The following DAOA variants were observed in gnomAD, a reference collection of about 807,000 sequenced individuals.
DAOA encodes the protein D-amino acid oxidase activator, also known as D-amino acid oxidase regulator.
A neutral mutation model predicts 16.4 loss-of-function variants in DAOA; 15 were observed. The ratio of observed to expected loss-of-function variants is 0.91; its 90% confidence interval spans 0.61 to 1.41. DAOA has a LOEUF of 1.41. DAOA is among the 40% of genes most tolerant of loss of function. The pLI, the probability that DAOA is intolerant of heterozygous loss-of-function variation, is 0.00. For synonymous variants in DAOA, 75 were observed against 59.1 expected (o/e 1.27, Z -1.23); for missense variants, 230 against 176.8 (o/e 1.30, Z -1.71).
At chr13:105,470,072 G>A (rs1351188193) in intron 3 of DAOA, among the ~76,000 whole-genome samples, 7 of 149,526 alleles carry the variant, frequency 4.7e-5, no homozygotes, top group Admixed American at 1.3e-4. Flanking sequence ...TTGTCCCCAG[G>A]CTGGACATGT....
chr13:105,478,831 C>G (rs1329140981), intron 4 of DAOA, among the ~76,000 whole-genome samples: 2 of 152,188 alleles, frequency 1.3e-5, no homozygotes, highest in Non-Finnish European at 2.9e-5. Flanking sequence ...ATGCCAAACA[C>G]CAATACCCAT....
intron 4 of DAOA, among the ~76,000 whole-genome samples, chr13:105,488,039 T>A (rs993461334): frequency 1.8e-4 from 27 of 152,110 alleles, no homozygotes; most frequent in Non-Finnish European, 3.4e-4. Flanking sequence ...TGGATGTGAA[T>A]AAGCTTAAAA....
At chr13:105,489,740 A>T (rs973571189) in intron 4 of DAOA, 161 bp from the exon 5 acceptor site, 8 of 1,494,302 alleles carry the variant, frequency 5.4e-6, no homozygotes, top group Non-Finnish European at 6.3e-6. Context: ...CATAATCTTG[A>T]CTTCTTGGTG....
At chr13:105,479,684 T>G (rs1438130881) in intron 4 of DAOA, among the ~76,000 whole-genome samples, 3 of 152,194 alleles carry the variant, frequency 2.0e-5, no homozygotes, top group Non-Finnish European at 4.4e-5. Flanking sequence ...TCTACTCTAG[T>G]ATTACCTCAT....
intron 3 of DAOA, among the ~76,000 whole-genome samples, chr13:105,470,645 C>T (rs1306385345): frequency 2.0e-5 from 3 of 151,876 alleles, no homozygotes; most frequent in Admixed American, 6.6e-5. Context: ...AGTCTTGCTC[C>T]GTTGCCCAGG....
chr13:105,484,399 A>G (rs973231850), intron 4 of DAOA, among the ~76,000 whole-genome samples: 1 of 152,152 alleles, frequency 6.6e-6, no homozygotes, highest in Non-Finnish European at 1.5e-5. Flanking sequence ...GAAGCTATAG[A>G]TGAATTTGGG....
chr13:105,477,794 C>T (rs999903327), intron 4 of DAOA, among the ~76,000 whole-genome samples: 1 of 152,120 alleles, frequency 6.6e-6, no homozygotes, highest in Non-Finnish European at 1.5e-5. Flanking sequence ...TATCGGGTAT[C>T]TACCAGAGCA....
intron 4 of DAOA, among the ~76,000 whole-genome samples, chr13:105,487,169 C>T (rs190556570): frequency 6.6e-6 from 1 of 152,186 alleles, no homozygotes; most frequent in Non-Finnish European, 1.5e-5. Context: ...TTGAAAATAC[C>T]CGGAGTCTCA....
intron 3 of DAOA, among the ~76,000 whole-genome samples, chr13:105,467,974 C>T (rs112173054): frequency 1.3e-5 from 2 of 152,296 alleles, no homozygotes; most frequent in African/African-American, 4.8e-5. Flanking sequence ...GGGCTGCATG[C>T]CTTCTGGAGG....
At chr13:105,483,107 C>T (rs1394734746) in intron 4 of DAOA, among the ~76,000 whole-genome samples, 1 of 152,068 alleles carries the variant, frequency 6.6e-6, no homozygotes, top group Non-Finnish European at 1.5e-5. Flanking sequence ...TATTAGTTTG[C>T]ATTTACTGGA....
intron 3 of DAOA, among the ~76,000 whole-genome samples, chr13:105,470,784 T>C (rs926300557): frequency 7.7e-6 from 1 of 130,332 alleles, no homozygotes; most frequent in Non-Finnish European, 1.6e-5. Flanking sequence ...TAATTTGTTT[T>C]CTTTTCTTTT....
At chr13:105,488,651 C>G (rs1878302436) in intron 4 of DAOA, among the ~76,000 whole-genome samples, 1 of 152,254 alleles carries the variant, frequency 6.6e-6, no homozygotes, top group Admixed American at 6.5e-5. Flanking sequence ...ACTAGTGTGA[C>G]AATGATTCAA....
chr13:105,472,364 A>T (rs575756841), intron 3 of DAOA, among the ~76,000 whole-genome samples, 174 bp from the exon 4 acceptor site: 66 of 152,214 alleles, frequency 4.3e-4, no homozygotes, highest in Non-Finnish European at 8.4e-4. Context: ...GTATATTTCA[A>T]TCAACAGATG....
Position 105,466,285 on chromosome 13 carries a change from C to G in DAOA, c.-4C>G, listed in dbSNP as rs1876505099. 1 of 1,614,012 alleles carries G rather than the reference C, an allele frequency of 6.2e-7. No homozygotes were observed. Among genetic ancestry groups the G allele is most frequent in the Admixed American group, 1.7e-5 (1 of 59,998 alleles). On this transcript the variant is annotated 5_prime_UTR_variant, in exon 2 of 6. Coordinates refer to ENST00000375936, the MANE Select transcript of DAOA (RefSeq NM_172370.5). ...TGCCGATGATTTAGCTGGGAGGACC[C>G]AAAATGCTGGAAAAGCTGATGGGTG...
chr13:105,471,009 T>C (rs561179349), intron 3 of DAOA, among the ~76,000 whole-genome samples: 4 of 152,196 alleles, frequency 2.6e-5, no homozygotes, highest in South Asian at 2.1e-4. Flanking sequence ...ATGATGGTCT[T>C]GATCTCCTGA....
chr13:105,479,534 T>C (rs1414959473), intron 4 of DAOA, among the ~76,000 whole-genome samples: 1 of 152,178 alleles, frequency 6.6e-6, no homozygotes, highest in African/African-American at 2.4e-5. Context: ...GACTTCCTGA[T>C]GGTGGCCGGC....
intron 4 of DAOA, among the ~76,000 whole-genome samples, chr13:105,484,425 A>G (rs1345748441): frequency 6.6e-6 from 1 of 152,170 alleles, no homozygotes; most frequent in Non-Finnish European, 1.5e-5. Flanking sequence ...CTGACATCTT[A>G]AGAATATTAT....
At chr13:105,474,026 C>A (rs1031400472) in intron 4 of DAOA, among the ~76,000 whole-genome samples, 4 of 152,000 alleles carry the variant, frequency 2.6e-5, no homozygotes, top group African/African-American at 9.7e-5. Context: ...TTAGACTGTA[C>A]CATTCTATAA....
At chr13:105,468,208 T>C (rs1876671285) in intron 3 of DAOA, among the ~76,000 whole-genome samples, 1 of 152,180 alleles carries the variant, frequency 6.6e-6, no homozygotes, top group Admixed American at 6.5e-5. Flanking sequence ...ACTCTCCACC[T>C]CCCGGTCGTT....
Sources: gnomAD v4.1 joint callset for allele counts (sites outside exome capture counted in the v4.1 genomes callset) on GRCh38, gnomAD v4.1.1 for gene constraint, MANE v1.5 for transcripts, NCBI Gene and HGNC (gene_info 2026-07-23, HGNC 2026-07-21) for gene names.